NLRC3: variants seen among roughly 807,000 people sequenced by gnomAD.
NLRC3 encodes NLR family CARD domain containing 3, also known as NLR family CARD domain-containing protein 3.
In NLRC3, 87 loss-of-function variants were observed where a neutral mutation model predicts 91.6. That is an observed-to-expected ratio of 0.95 (90% CI 0.80 to 1.14). The LOEUF is 1.14. NLRC3 is among the 50% of genes most tolerant of loss of function. NLRC3 has a pLI of 0.00. For missense variants in NLRC3, 1,577 were observed against 1,418.6 expected, an observed-to-expected ratio of 1.11 and a Z score of -1.79; for synonymous variants, 694 against 625.3, an observed-to-expected ratio of 1.11 and a Z score of -1.64.
chr16:3,563,360 T>C lies in NLRC3; in HGVS notation c.1577A>G (p.Asn526Ser), dbSNP rs752268313. The change falls in exon 5 of 20, where the codon AAT becomes AGT. Residue 526 changes from asparagine (N) to serine (S), a missense_variant. By Grantham distance (46) the Asn-to-Ser change is conservative (BLOSUM62 1). Transcript: ENST00000359128. ...CAGCAGGGAGCCGGCCAGGAGGGCA[T>C]TGACCCTCGGAGACAAGAGGCCGGA... ...FLSGLLSPRV[N>S]ALLAGSLLAQ... 60 of 1,589,100 alleles carry C rather than the reference T, an allele frequency of 3.8e-5. No individual in the cohort carries two copies. In the East Asian group the frequency reaches 8.0e-4, roughly 21 times the overall value.
rs1045726330 is a variant in NLRC3 at position 3,539,709 on chromosome 16, G to A, written c.*2116C>T. 3 of 152,174 alleles carry A rather than the reference G, an allele frequency of 2.0e-5. No individual in the cohort carries two copies. The highest frequency in any genetic ancestry group is 2.0e-4 in the Admixed American group (3 of 15,280). 9.4% of individuals were successfully genotyped at this position (152,174 alleles called of 1,614,324 possible). A position where few individuals can be genotyped will look rare whatever the true frequency, so the allele number is the denominator to read the frequency against. On this transcript the variant is annotated 3_prime_UTR_variant, in exon 20 of 20. Coordinates refer to ENST00000359128, the MANE Select transcript of NLRC3 (RefSeq NM_178844.4). ...CCCCGCAAAAACTGTCATAAATACT[G>A]CAAGACCCATGTTCAGATTTCCCCC...
Position 3,563,764 on chromosome 16 carries a change from A to G in NLRC3, c.1173T>C (p.His391=), listed in dbSNP as rs763376473. The change falls in exon 5 of 20, where the codon CAT becomes CAC. Residue 391 remains histidine, a synonymous_variant. Coordinates refer to ENST00000359128, the MANE Select transcript of NLRC3 (RefSeq NM_178844.4). ...KASPRIEQVA[H]GGRKMVGTLG... ...ATGTCCCCACCATCTTGCGGCCACC[A>G]TGGGCCACCTGCTCGATGCGAGGGC... The G allele has an allele frequency of 1.2e-5, 19 of 1,613,304 alleles. No individual in the cohort carries two copies. The highest frequency in any genetic ancestry group is 1.3e-5 in the Non-Finnish European group (15 of 1,179,714).
At position 3,563,043 on chromosome 16, in the gene NLRC3, G is replaced by C. The variant is rs1415347097; in HGVS notation, c.1894C>G (p.Leu632Val). 2 of 1,558,730 alleles carry C rather than the reference G, an allele frequency of 1.3e-6. No homozygotes were observed. The highest frequency in any genetic ancestry group is 1.7e-6 in the Non-Finnish European group (2 of 1,151,844). Residue 632 changes from leucine (L) to valine (V), a missense_variant, in exon 5 of 20, where the codon CTG (leucine) becomes GTG (valine). Physicochemically the swap from Leu to Val is conservative, Grantham distance 32. Coordinates refer to ENST00000359128, the MANE Select transcript of NLRC3 (RefSeq NM_178844.4). ...CGGCAGTAGAGCAGCTGGGGCAGCA[G>C]GCTCTGAAGGACGCCCTGGCTGAGG... ...LSLSQGVLQSLLPQLLYCRKL... is the reference protein window; with the variant it reads ...LSLSQGVLQSVLPQLLYCRKL...
At position 3,541,614 on chromosome 16, in the gene NLRC3, T is replaced by C. The variant is rs1320990323; in HGVS notation, c.*211A>G. ...CTCCCTTCTCTGTGCCATAACAGAGTACCCGTCACCCCCTGCCTGGACCAC... is the reference window on the plus strand; with the variant it reads ...CTCCCTTCTCTGTGCCATAACAGAGCACCCGTCACCCCCTGCCTGGACCAC... On this transcript the variant is annotated 3_prime_UTR_variant, in exon 20 of 20. Coordinates refer to ENST00000359128, the MANE Select transcript of NLRC3 (RefSeq NM_178844.4). The C allele has an allele frequency of 3.4e-6, 2 of 580,452 alleles. No homozygotes were observed. The highest frequency in any genetic ancestry group is 6.1e-6 in the Non-Finnish European group (2 of 325,984). 36.0% of individuals were successfully genotyped at this position (580,452 alleles called of 1,614,324 possible). A position where few individuals can be genotyped will look rare whatever the true frequency, so the allele number is the denominator to read the frequency against.
intron 14 of NLRC3, 114 bp downstream of exon 14, chr16:3,548,556 G>A (rs1206827751): frequency 8.9e-6 from 7 of 790,214 alleles, no homozygotes; most frequent in Non-Finnish European, 1.5e-5. Context: ...CAGCCCCTGA[G>A]ACCTTTGCAG....
Position 3,542,744 on chromosome 16 carries a change from C to A in NLRC3, c.2971G>T (p.Ala991Ser). ...LRGNAIGVAG[A>S]KALANALKVN... Reference sequence around the variant, plus strand: ...TTCAGAGCATTTGCCAGGGCTTTGGCTCCAGCCACCCCAATGGCATTTCCT... The same window carrying A: ...TTCAGAGCATTTGCCAGGGCTTTGGATCCAGCCACCCCAATGGCATTTCCT... The change falls in exon 18 of 20, where the codon GCC (alanine) becomes TCC (serine). Residue 991 changes from alanine (A) to serine (S), a missense_variant. By Grantham distance (99) the Ala-to-Ser change is moderately conservative. Coordinates refer to ENST00000359128, the MANE Select transcript of NLRC3 (RefSeq NM_178844.4). 6.2e-7 allele frequency: 1 copy of A among 1,609,898 alleles called. No homozygotes were observed. Among genetic ancestry groups the A allele is most frequent in the East Asian group, 2.2e-5 (1 of 44,802 alleles).
chr16:3,548,565 AG>A, intron 14 of NLRC3, 104 bp downstream of exon 14: 1 of 855,410 alleles, frequency 1.2e-6, no homozygotes. Context: ...AGACCTTTGC[AG>A]GGGGTGTCCC....
At chr16:3,565,540 GACTA>G (rs1009672526) in intron 2 of NLRC3, among the ~76,000 whole-genome samples, 160 bp from the exon 3 acceptor site, 3 of 141,678 alleles carry the variant, frequency 2.1e-5, no homozygotes, top group Non-Finnish European at 3.0e-5. Flanking sequence ...GTGTGATTCT[GACTA>G]ACATTCTGGA....
At position 3,539,729 on chromosome 16, in the gene NLRC3, T is replaced by C. The variant is rs2038326204; in HGVS notation, c.*2096A>G. 1.3e-5 allele frequency: 2 copies of C among 152,138 alleles called. No individual in the cohort carries two copies. The highest frequency in any genetic ancestry group is 6.6e-5 in the Admixed American group (1 of 15,254). 9.4% of individuals were successfully genotyped at this position (152,138 alleles called of 1,614,324 possible). A position where few individuals can be genotyped will look rare whatever the true frequency, so the allele number is the denominator to read the frequency against. Reference sequence around the variant, plus strand: ...ATACTGCAAGACCCATGTTCAGATTTCCCCCCTTTTACAAATAATGTTTTG... The same window carrying C: ...ATACTGCAAGACCCATGTTCAGATTCCCCCCCTTTTACAAATAATGTTTTG... On this transcript the variant is annotated 3_prime_UTR_variant, in exon 20 of 20. Transcript: ENST00000359128.
chr16:3,557,924 C>T (rs1480730382), intron 6 of NLRC3, among the ~76,000 whole-genome samples: 1 of 152,162 alleles, frequency 6.6e-6, no homozygotes, highest in Non-Finnish European at 1.5e-5. Flanking sequence ...AAAGTTTAAC[C>T]AGAATCCAGC....
intron 5 of NLRC3, among the ~76,000 whole-genome samples, chr16:3,562,518 G>A (rs903187970): frequency 2.4e-4 from 36 of 152,290 alleles, no homozygotes; most frequent in Middle Eastern, 3.4e-3. Context: ...GCGGGCACCT[G>A]TAATCCCAGC....
In NLRC3 at chr16:3,552,184, C is replaced by T. The variant is rs758468892; in HGVS notation, c.2351+12G>A. 14 of 1,548,092 alleles carry T rather than the reference C, an allele frequency of 9.0e-6. No individual in the cohort carries two copies. In the Admixed American group the frequency reaches 2.3e-4, roughly 26 times the overall value. On this transcript the variant is annotated intron_variant, in intron 10 of 19. Coordinates refer to ENST00000359128, the MANE Select transcript of NLRC3 (RefSeq NM_178844.4). ...ACTGAGGATACTAGTGTGGGCCTTTCATATGTCTCACATGAGCTCTTTCAG... is the reference window on the plus strand; with the variant it reads ...ACTGAGGATACTAGTGTGGGCCTTTTATATGTCTCACATGAGCTCTTTCAG...
rs764955383 is a variant in NLRC3, at chr16:3,561,880, T to C, written c.1929-92A>G. On this transcript the variant is annotated intron_variant, in intron 5 of 19. Coordinates refer to ENST00000359128, the MANE Select transcript of NLRC3 (RefSeq NM_178844.4). ...GGGGCCTCTGCCTCTCTCCATCCCA[T>C]GCAGCGCTATCACCGCAGCTCTGAG... 5.9e-6 allele frequency: 5 copies of C among 844,804 alleles called. No homozygotes were observed. The Admixed American group carries it at 9.0e-5, about 15-fold the overall frequency. The allele number at this position is 844,804 out of a possible 1,614,324, so 52.3% of individuals were successfully genotyped here.
chr16:3,544,223 T>G, intron 16 of NLRC3, 23 bp downstream of exon 16: 2 of 1,467,982 alleles, frequency 1.4e-6, no homozygotes, highest in Non-Finnish European at 1.9e-6. Context: ...GTTTCCTGAC[T>G]GCTGCGCACA....
chr16:3,556,870 C>A (rs780758146), intron 8 of NLRC3, 41 bp downstream of exon 8: 2 of 1,423,530 alleles, frequency 1.4e-6, no homozygotes, highest in Admixed American at 1.7e-5. Context: ...TTTTCTGGGC[C>A]CTCTCTTGGG....
intron 6 of NLRC3, among the ~76,000 whole-genome samples, chr16:3,561,440 C>T (rs1174514834): frequency 1.3e-5 from 2 of 152,184 alleles, no homozygotes; most frequent in Admixed American, 6.6e-5. Context: ...TGTCAGCACA[C>T]GTAGTGCTGT....
chr16:3,541,926 A>T lies in NLRC3; in HGVS notation c.3108-11T>A. On this transcript the variant is annotated splice_polypyrimidine_tract_variant and intron_variant, in intron 19 of 19. Coordinates refer to ENST00000359128, the MANE Select transcript of NLRC3 (RefSeq NM_178844.4). ...TGGTTTCCCTGGAGACTAGAAGAGT[A>T]GGGTTAAGGCAGGGCTCAAAGCCTG... The T allele has an allele frequency of 6.4e-7, 1 of 1,551,094 alleles. No individual in the cohort carries two copies. The highest frequency in any genetic ancestry group is 8.9e-7 in the Non-Finnish European group (1 of 1,125,730).
intron 10 of NLRC3, among the ~76,000 whole-genome samples, chr16:3,551,317 C>T (rs2038986470): frequency 6.6e-6 from 1 of 151,274 alleles, no homozygotes; most frequent in Admixed American, 6.6e-5. Flanking sequence ...TCCATCCACT[C>T]ATCCATTTAT....
chr16:3,546,321 C>T (rs1011601206), intron 15 of NLRC3, among the ~76,000 whole-genome samples: 2 of 151,310 alleles, frequency 1.3e-5, no homozygotes, highest in African/African-American at 4.9e-5. Context: ...TTTGGGAGGC[C>T]AAGGTGGAAG....
Sources: allele counts gnomAD v4.1 joint callset (sites outside exome capture counted in the v4.1 genomes callset), GRCh38; gene constraint gnomAD v4.1.1; transcripts MANE v1.5; gene names NCBI Gene and HGNC (gene_info 2026-07-23, HGNC 2026-07-21).